The following NBDY variants were observed in gnomAD, a reference collection of about 807,000 sequenced individuals.
The protein encoded by NBDY is P-body dissociating protein.
chrX:56,803,774 T>C (rs1354246275), intron 2 of NBDY, among the ~76,000 whole-genome samples: 2 of 111,822 alleles, frequency 1.8e-5, no homozygotes, highest in African/African-American at 6.5e-5. Flanking sequence ...CTTATTTCCC[T>C]TGCTTTTCTC....
chrX:56,764,910 C>T (rs777259499), intron 2 of NBDY, among the ~76,000 whole-genome samples: 3 of 111,631 alleles, frequency 2.7e-5, no homozygotes, highest in African/African-American at 9.8e-5. Context: ...ATGCTTTCTC[C>T]TGGCTGGTGG....
chrX:56,743,879 CTTTAT>C lies in NBDY; in HGVS notation c.*166+11685_*166+11689del, dbSNP rs759539290. 8.2e-5 allele frequency among the ~76,000 whole-genome samples: 9 copies of C among 109,584 alleles called. No homozygotes were observed. In the East Asian group the frequency reaches 1.1e-3, roughly 14 times the overall value. On this transcript the variant is annotated intron_variant, in intron 2 of 2. Coordinates refer to ENST00000374922, the MANE Select transcript of NBDY (RefSeq NM_001348129.2). Reference sequence around the variant, plus strand: ...GTTCTTTAAGATTCATTATTGGTTTCTTTATTTTAAGTTTTACTTTTTTTTTATTT... The same window carrying C: ...GTTCTTTAAGATTCATTATTGGTTTCTTTAAGTTTTACTTTTTTTTTATTT...
At chrX:56,790,772 C>G (rs565855953) in intron 2 of NBDY, among the ~76,000 whole-genome samples, 2 of 112,498 alleles carry the variant, frequency 1.8e-5, no homozygotes, top group African/African-American at 6.4e-5. Flanking sequence ...TGCCCAGACA[C>G]CATTCACTCC....
At chrX:56,765,566 C>A (rs901141443) in intron 2 of NBDY, among the ~76,000 whole-genome samples, 1 of 111,656 alleles carries the variant, frequency 9.0e-6, no homozygotes, top group Non-Finnish European at 1.9e-5. Context: ...TATGTCACCA[C>A]GCGTTGAGGC....
At chrX:56,767,390 C>A (rs1569288195) in intron 2 of NBDY, among the ~76,000 whole-genome samples, 1 of 113,314 alleles carries the variant, frequency 8.8e-6, no homozygotes, top group Non-Finnish European at 1.9e-5. Context: ...CCACTCTGGC[C>A]GCCCTTGAGG....
intron 2 of NBDY, among the ~76,000 whole-genome samples, chrX:56,812,111 C>A (rs893687309): frequency 3.6e-5 from 4 of 110,811 alleles, no homozygotes; most frequent in African/African-American, 1.3e-4. Context: ...GTGAGATGAA[C>A]CTGGTACCTC....
chrX:56,799,572 A>G (rs1194236061), intron 2 of NBDY, among the ~76,000 whole-genome samples: 1 of 113,019 alleles, frequency 8.8e-6, no homozygotes, highest in Non-Finnish European at 1.9e-5. Context: ...GGCCTAGTCT[A>G]CCCAGCCTGG....
chrX:56,813,807 G>C (rs2069898236), intron 2 of NBDY, among the ~76,000 whole-genome samples: 1 of 111,355 alleles, frequency 9.0e-6, no homozygotes, highest in Non-Finnish European at 1.9e-5. Flanking sequence ...GTGTGAAACT[G>C]GAGCTTTCTT....
At chrX:56,795,007 G>A (rs2069785164) in intron 2 of NBDY, among the ~76,000 whole-genome samples, 1 of 111,970 alleles carries the variant, frequency 8.9e-6, no homozygotes, top group Admixed American at 9.4e-5. Context: ...GTATTTCTGG[G>A]TGAATTTCAC....
At chrX:56,794,497 G>A (rs1602664825) in intron 2 of NBDY, among the ~76,000 whole-genome samples, 2 of 111,949 alleles carry the variant, frequency 1.8e-5, no homozygotes, top group South Asian at 3.7e-4. Context: ...GTCACTTTGC[G>A]GAAACCTGCA....
intron 2 of NBDY, among the ~76,000 whole-genome samples, chrX:56,739,253 TATATATATATGTATGTATATATATATA>T (rs1227645248): frequency 1.2e-5 from 1 of 81,321 alleles, no homozygotes; most frequent in Non-Finnish European, 2.2e-5. Context: ...TATATATATA[TATATATATATGTATGTATATATATATA>T]TTTTTATATA....
At chrX:56,737,415 G>C (rs956090667) in intron 2 of NBDY, 2 of 642,682 alleles carry the variant, frequency 3.1e-6, no homozygotes, top group African/African-American at 2.2e-5. Context: ...TCATTATAAA[G>C]GTTCTCAGGA....
chrX:56,758,032 G>A (rs1056865194), intron 2 of NBDY, among the ~76,000 whole-genome samples: 1 of 111,552 alleles, frequency 9.0e-6, no homozygotes, highest in Non-Finnish European at 1.9e-5. Context: ...ATCAAAGTTT[G>A]GATTAAAAGC....
intron 2 of NBDY, among the ~76,000 whole-genome samples, chrX:56,763,833 T>C (rs2069651218): frequency 8.9e-6 from 1 of 112,432 alleles, no homozygotes; most frequent in African/African-American, 3.2e-5. Context: ...TTTTTTTGTT[T>C]CTCTTTCCTC....
intron 2 of NBDY, among the ~76,000 whole-genome samples, chrX:56,762,333 TCCC>T (rs936033809): frequency 9.1e-6 from 1 of 109,357 alleles, no homozygotes; most frequent in African/African-American, 3.4e-5. Flanking sequence ...CTTCTTTTCT[TCCC>T]TCCTCCTCCT....
At chrX:56,736,317 TGCAGTGGC>T (rs1391720850) in intron 2 of NBDY, among the ~76,000 whole-genome samples, 3 of 112,255 alleles carry the variant, frequency 2.7e-5, no homozygotes, top group South Asian at 3.7e-4. Context: ...CAGGCTGAAG[TGCAGTGGC>T]GCAATCTAGG....
chrX:56,753,462 G>T (rs1174562600), intron 2 of NBDY, among the ~76,000 whole-genome samples: 1 of 111,137 alleles, frequency 9.0e-6, no homozygotes, highest in Admixed American at 9.5e-5. Context: ...TATAGGCAAA[G>T]AATGCAGACT....
rs5902558 is a variant in NBDY, at chrX:56,786,641, TC to T, written c.*167-30678del. Among the ~76,000 whole-genome samples, 52 of 109,534 alleles carry T rather than the reference TC, an allele frequency of 4.7e-4. 2 individuals carry two copies. In the East Asian group the frequency reaches 0.013, roughly 28 times the overall value. On this transcript the variant is annotated intron_variant, in intron 2 of 2. Transcript: ENST00000374922. The stretch of plus-strand genomic sequence containing the variant: ...CCTCCTTCTCCTTCTTTCTGCTTCT[TC>T]TTTTTCTTCTTCTTCTTCTTCTTGT...
At chrX:56,817,205 A>T (rs1251965363) in intron 2 of NBDY, 115 bp from the exon 3 acceptor site, 2 of 112,257 alleles carry the variant, frequency 1.8e-5, no homozygotes, top group Non-Finnish European at 3.8e-5. Context: ...ATTCTCTTTA[A>T]CTTGCTTAAT....
Sources: gnomAD v4.1 joint callset for allele counts (sites outside exome capture counted in the v4.1 genomes callset) on GRCh38, gnomAD v4.1.1 for gene constraint, MANE v1.5 for transcripts, NCBI Gene and HGNC (gene_info 2026-07-23, HGNC 2026-07-21) for gene names.